Variants in UNC13B observed in about 807,000 individuals in gnomAD.
UNC13B encodes the protein protein unc-13 homolog B.
In UNC13B, 144 loss-of-function variants were observed where a neutral mutation model predicts 211.0. The ratio of observed to expected loss-of-function variants is 0.68; its 90% CI spans 0.60 to 0.78. UNC13B has a LOEUF of 0.78. UNC13B is among the 30% of genes least tolerant of loss of function. The pLI, the probability that UNC13B is intolerant of heterozygous loss-of-function variation, is 0.00. For synonymous variants in UNC13B, 709 were observed against 725.8 expected (o/e 0.98, Z 0.37); for missense variants, 1,777 against 2,002.0 (o/e 0.89, Z 2.14).
At chr9:35,322,698 G>A (rs1830801475) in intron 11 of UNC13B, among the ~76,000 whole-genome samples, 2 of 152,068 alleles carry the variant, frequency 1.3e-5, no homozygotes, top group Admixed American at 6.6e-5. Context: ...CCTCAAAAAT[G>A]GGTCCCTAGG....
intron 1 of UNC13B, among the ~76,000 whole-genome samples, chr9:35,165,957 C>G (rs980302139): frequency 1.3e-5 from 2 of 152,102 alleles, no homozygotes; most frequent in Non-Finnish European, 2.9e-5. Context: ...TTTCTCCAAG[C>G]AATTATAAGC....
intron 1 of UNC13B, among the ~76,000 whole-genome samples, chr9:35,214,821 G>C (rs910717047): frequency 1.3e-5 from 2 of 152,154 alleles, no homozygotes; most frequent in African/African-American, 4.8e-5. Context: ...TTACTATCTA[G>C]AATTTTTTTA....
Position 35,295,817 on chromosome 9 carries a change from C to G in UNC13B, c.648C>G (p.Phe216Leu). 6.2e-7 allele frequency: 1 copy of G among 1,614,190 alleles called. No homozygotes were observed. Among genetic ancestry groups the G allele is most frequent in the South Asian group, 1.1e-5 (1 of 91,080 alleles). ...ASQPNASVHQ[F>L]PVPVRSPQQL... The stretch of plus-strand genomic sequence containing the variant: ...AGCCCAACGCTTCTGTGCACCAGTT[C>G]CCTGTGCCGGTGCGATCGCCACAGC... The change falls in exon 8 of 40, where the codon TTC becomes TTG. Residue 216 changes from phenylalanine (F) to leucine (L), a missense_variant. Phe to Leu is a conservative substitution (Grantham distance 22, BLOSUM62 0). Coordinates refer to ENST00000635942, the MANE Select transcript of UNC13B (RefSeq NM_001371189.2).
intron 11 of UNC13B, chr9:35,351,453 G>C: frequency 8.1e-7 from 1 of 1,231,428 alleles, no homozygotes; most frequent in Non-Finnish European, 1.0e-6. Flanking sequence ...TGCCTTCCAA[G>C]GTAATCTCTA....
At chr9:35,310,833 T>C in intron 10 of UNC13B, 52 bp downstream of exon 10, 1 of 1,524,958 alleles carries the variant, frequency 6.6e-7, no homozygotes, top group Non-Finnish European at 8.9e-7. Flanking sequence ...GTACCTGCCC[T>C]GTGGTATTGC....
intron 11 of UNC13B, chr9:35,364,613 TC>T: frequency 6.5e-7 from 1 of 1,527,042 alleles, no homozygotes; most frequent in African/African-American, 1.4e-5. Context: ...TCTATTTCCC[TC>T]CCCTCCTTCC....
chr9:35,198,687 T>TG, intron 1 of UNC13B, among the ~76,000 whole-genome samples: 1 of 152,204 alleles, frequency 6.6e-6, no homozygotes, highest in South Asian at 2.1e-4. Flanking sequence ...CTTAGAGACT[T>TG]GTTAAATTGT....
chr9:35,162,457 G>A (rs1820831795), intron 1 of UNC13B, 152 bp downstream of exon 1: 1 of 1,078,724 alleles, frequency 9.3e-7, no homozygotes, highest in Non-Finnish European at 1.3e-6. Flanking sequence ...ACAATCACTT[G>A]AGTTCTTTCC....
intron 1 of UNC13B, among the ~76,000 whole-genome samples, chr9:35,198,019 A>G (rs1387872944): frequency 6.6e-6 from 1 of 152,258 alleles, no homozygotes; most frequent in Non-Finnish European, 1.5e-5. Context: ...ATATCTACAC[A>G]TCTGTTTAAA....
chr9:35,282,195 A>T (rs72725028), intron 7 of UNC13B, among the ~76,000 whole-genome samples: 233 of 152,318 alleles, frequency 1.5e-3, no homozygotes, highest in Middle Eastern at 3.4e-3. Flanking sequence ...ATGTATTAGT[A>T]TAAGGTAGGT....
At chr9:35,233,660 C>T (rs949027590) in intron 3 of UNC13B, among the ~76,000 whole-genome samples, 1 of 151,962 alleles carries the variant, frequency 6.6e-6, no homozygotes, top group Non-Finnish European at 1.5e-5. Flanking sequence ...ATCTAATATT[C>T]GTTTTGGTAT....
At chr9:35,397,738 C>A in intron 30 of UNC13B, 26 bp downstream of exon 30, 2 of 1,611,486 alleles carry the variant, frequency 1.2e-6, no homozygotes, top group Middle Eastern at 1.7e-4. Flanking sequence ...GGGACTCTTA[C>A]AGAAAGAGAG....
Position 35,351,589 on chromosome 9 carries a change from G to C in UNC13B, c.9415-15358G>C, listed in dbSNP as rs537298630. 4.9e-6 allele frequency: 6 copies of C among 1,232,280 alleles called. No individual in the cohort carries two copies. The South Asian group carries it at 2.5e-4, about 51-fold the overall frequency. 76.3% of individuals were successfully genotyped at this position (1,232,280 alleles called of 1,614,324 possible). On this transcript the variant is annotated intron_variant, in intron 11 of 39. Transcript: ENST00000635942. ...TGGTTACCTTGGGACCCTCCTCCAG[G>C]CTTTCCCCAGATAAGGCTAAGGCAG...
chr9:35,252,319 TTTC>T (rs1435727742), intron 6 of UNC13B, among the ~76,000 whole-genome samples: 1 of 104,384 alleles, frequency 9.6e-6, no homozygotes, highest in African/African-American at 3.5e-5. Context: ...GAAAAATGAT[TTTC>T]TTTCTTTCTT....
intron 11 of UNC13B, among the ~76,000 whole-genome samples, chr9:35,354,991 AC>A (rs968765295): frequency 6.6e-6 from 1 of 152,242 alleles, no homozygotes; most frequent in African/African-American, 2.4e-5. Flanking sequence ...ATTAAAAATA[AC>A]CTAAAAATTC....
At chr9:35,342,830 C>A (rs1832091143) in intron 11 of UNC13B, among the ~76,000 whole-genome samples, 1 of 152,182 alleles carries the variant, frequency 6.6e-6, no homozygotes, top group African/African-American at 2.4e-5. Context: ...TGCATGTACT[C>A]AAGTAACCTT....
rs74661347 is a variant in UNC13B at position 35,285,153 on chromosome 9, C to T, written c.527-10543C>T. Among the ~76,000 whole-genome samples the T allele has an allele frequency of 8.5e-3, 1,294 of 152,238 alleles. 13 individuals are homozygous for T. The highest frequency in any genetic ancestry group is 0.029 in the African/African-American group (1,224 of 41,530). On this transcript the variant is annotated intron_variant, in intron 7 of 39. Transcript: ENST00000635942. ...CGTCTTAGAACTGCTAGAATTTTTT[C>T]ACTGTATGATGACATTGAACTTTTC...
chr9:35,392,716 G>A (rs1332987578), intron 26 of UNC13B, among the ~76,000 whole-genome samples: 1 of 151,606 alleles, frequency 6.6e-6, no homozygotes, highest in Non-Finnish European at 1.5e-5. Context: ...TGGGTGCAGT[G>A]CACCAGCATG....
At chr9:35,172,834 T>C (rs571601822) in intron 1 of UNC13B, among the ~76,000 whole-genome samples, 64 of 152,140 alleles carry the variant, frequency 4.2e-4, no homozygotes, top group Non-Finnish European at 7.5e-4. Flanking sequence ...AGGAGGAAGT[T>C]TGTGCTAAGG....
Sources: gnomAD v4.1 joint callset for allele counts (sites outside exome capture counted in the v4.1 genomes callset) on GRCh38, gnomAD v4.1.1 for gene constraint, MANE v1.5 for transcripts, NCBI Gene and HGNC (gene_info 2026-07-23, HGNC 2026-07-21) for gene names.